The following CATSPERB variants were observed in gnomAD, a reference collection of about 807,000 sequenced individuals.
CATSPERB encodes catsper channel auxiliary subunit beta, also known as cation channel sperm-associated auxiliary subunit beta.
A neutral mutation model predicts 128.3 loss-of-function variants in CATSPERB; 93 were observed. That is an observed-to-expected ratio of 0.72 (90% CI 0.61 to 0.86). The LOEUF is 0.86. Among genes scored for constraint, CATSPERB ranks in the 40% least tolerant of loss-of-function variants. The probability of loss-of-function intolerance (pLI) is 0.00; values close to 1 mark genes in which losing one functional copy is unlikely to be tolerated. For synonymous variants in CATSPERB, 381 were observed against 448.8 expected (o/e 0.85, Z 1.91); for missense variants, 1,153 against 1,329.5 (o/e 0.87, Z 2.06).
intron 2 of CATSPERB, 101 bp from the exon 3 acceptor site, chr14:91,725,269 A>C (rs1896101967): frequency 2.0e-6 from 1 of 492,566 alleles, no homozygotes; most frequent in Non-Finnish European, 3.4e-6. Flanking sequence ...AAGGAATAAG[A>C]ATTATAATTG....
chr14:91,602,254 C>T (rs1893618543), intron 22 of CATSPERB, among the ~76,000 whole-genome samples: 1 of 152,050 alleles, frequency 6.6e-6, no homozygotes, highest in Admixed American at 6.6e-5. Context: ...CAATTCTGTA[C>T]TTGTAAGAGG....
rs867178737 is a variant in CATSPERB, at chr14:91,692,299, A to G, written c.832-744T>C. On this transcript the variant is annotated intron_variant, in intron 9 of 26. Coordinates refer to ENST00000256343, the MANE Select transcript of CATSPERB (RefSeq NM_024764.4). ...CTTTGCCACTCTGTTCCTTCTGCCCAGGCCAGAGCAGTCCAGAGGTCAGGA... is the reference window on the plus strand; with the variant it reads ...CTTTGCCACTCTGTTCCTTCTGCCCGGGCCAGAGCAGTCCAGAGGTCAGGA... Among the ~76,000 whole-genome samples the G allele has an allele frequency of 9.9e-5, 15 of 152,030 alleles. No homozygotes were observed. The Middle Eastern group carries it at 0.01, about 103-fold the overall frequency.
Position 91,588,073 on chromosome 14 carries a change from T to A in CATSPERB, c.2962A>T (p.Thr988Ser). 6.3e-7 allele frequency: 1 copy of A among 1,593,742 alleles called. No homozygotes were observed. Among genetic ancestry groups the A allele is most frequent in the African/African-American group, 1.3e-5 (1 of 74,724 alleles). Residue 988 changes from threonine (T) to serine (S), a missense_variant, in exon 25 of 27, where the codon ACT (threonine) becomes TCT (serine). Coordinates refer to ENST00000256343, the MANE Select transcript of CATSPERB (RefSeq NM_024764.4). ...ATTCTTTTAATATTTTCTGGCACAG[T>A]GTGTTCTAAAAATACATAAAACATA... is the stretch of plus-strand genomic sequence containing the variant. ...NMRHNWKLKH[T>S]VPENIKRMKQ...
chr14:91,702,303 G>C (rs1895663505), intron 7 of CATSPERB, among the ~76,000 whole-genome samples: 1 of 151,628 alleles, frequency 6.6e-6, no homozygotes, highest in African/African-American at 2.4e-5. Flanking sequence ...ACATAGTGTA[G>C]AATATGACAG....
At chr14:91,729,596 C>T in intron 1 of CATSPERB, 117 bp from the exon 2 acceptor site, 1 of 519,054 alleles carries the variant, frequency 1.9e-6, no homozygotes, top group Non-Finnish European at 3.4e-6. Flanking sequence ...TAATATTTCA[C>T]ACTGTGTGAC....
chr14:91,680,653 T>C (rs1405830827), intron 11 of CATSPERB, among the ~76,000 whole-genome samples: 2 of 151,892 alleles, frequency 1.3e-5, no homozygotes, highest in African/African-American at 2.4e-5. Flanking sequence ...GGTGTCCCAC[T>C]GGAGGGCATG....
chr14:91,698,275 T>C (rs1375300496), intron 7 of CATSPERB, among the ~76,000 whole-genome samples: 1 of 152,188 alleles, frequency 6.6e-6, no homozygotes, highest in Non-Finnish European at 1.5e-5. Flanking sequence ...TAGGAGCTTT[T>C]TGTTAGAGTC....
At chr14:91,599,882 C>CAA (rs1893581048) in intron 22 of CATSPERB, among the ~76,000 whole-genome samples, 1 of 152,150 alleles carries the variant, frequency 6.6e-6, no homozygotes, top group Non-Finnish European at 1.5e-5. Context: ...TCTCAGTGAG[C>CAA]AAAGGAGTGA....
chr14:91,587,706 C>G (rs944716107), intron 25 of CATSPERB, among the ~76,000 whole-genome samples: 2 of 151,952 alleles, frequency 1.3e-5, no homozygotes, highest in Admixed American at 6.6e-5. Context: ...ATACTGAGCC[C>G]ATTTCTTCCC....
At chr14:91,722,818 C>G (rs1262510727) in intron 4 of CATSPERB, among the ~76,000 whole-genome samples, 1 of 152,006 alleles carries the variant, frequency 6.6e-6, no homozygotes, top group African/African-American at 2.4e-5. Context: ...GAATGAAGGA[C>G]AGTATAAATA....
At chr14:91,721,230 G>A (rs1056869944) in intron 4 of CATSPERB, among the ~76,000 whole-genome samples, 6 of 152,086 alleles carry the variant, frequency 3.9e-5, no homozygotes, top group Admixed American at 2.0e-4. Flanking sequence ...AGATACAGCC[G>A]ACTTCATTAA....
intron 19 of CATSPERB, among the ~76,000 whole-genome samples, chr14:91,618,803 G>A (rs1417183583): frequency 2.0e-5 from 3 of 152,228 alleles, no homozygotes; most frequent in Non-Finnish European, 2.9e-5. Context: ...ACCTGCAGCT[G>A]TTTCCCTTAA....
rs1895124427 is a variant in CATSPERB at position 91,672,930 on chromosome 14, T to C, written c.1065A>G (p.Pro355=). 3 of 1,603,466 alleles carry C rather than the reference T, an allele frequency of 1.9e-6. No homozygotes were observed. Among genetic ancestry groups the C allele is most frequent in the Non-Finnish European group, 1.7e-6 (2 of 1,177,776 alleles). The change falls in exon 13 of 27, where the codon CCA becomes CCG. Residue 355 remains proline (P), a synonymous_variant. Coordinates refer to ENST00000256343, the MANE Select transcript of CATSPERB (RefSeq NM_024764.4). ...PHIFKGIKIF[P]TVLTFLVDQE... is the part of the protein sequence containing the mutation. ...GGTCAACAAGAAATGTTAGCACAGT[T>C]GGAAAAATTTTTATTCCTTTAAAAA... is the stretch of plus-strand genomic sequence containing the variant.
At chr14:91,646,677 A>C (rs1894613107) in intron 15 of CATSPERB, among the ~76,000 whole-genome samples, 1 of 152,178 alleles carries the variant, frequency 6.6e-6, no homozygotes, top group Admixed American at 6.5e-5. Flanking sequence ...CAATTAGATA[A>C]TCTGTTACAG....
At chr14:91,621,381 T>C (rs1051044144) in intron 19 of CATSPERB, among the ~76,000 whole-genome samples, 19 of 152,060 alleles carry the variant, frequency 1.2e-4, no homozygotes, top group Admixed American at 3.3e-4. Context: ...GCCTGGGCGA[T>C]GGAGGGGGAG....
intron 22 of CATSPERB, among the ~76,000 whole-genome samples, chr14:91,594,966 A>C (rs890958060): frequency 2.6e-5 from 4 of 152,192 alleles, no homozygotes; most frequent in Non-Finnish European, 5.9e-5. Flanking sequence ...GGGGGTAAAA[A>C]GGAAGGAAAA....
intron 16 of CATSPERB, 35 bp downstream of exon 16, chr14:91,639,061 A>G (rs779361708): frequency 5.1e-6 from 8 of 1,582,180 alleles, no homozygotes; most frequent in Non-Finnish European, 6.9e-6. Flanking sequence ...TATTCTTAAA[A>G]TAAGGCAAAC....
At chr14:91,591,303 C>T (rs904054474) in intron 23 of CATSPERB, among the ~76,000 whole-genome samples, 8 of 152,048 alleles carry the variant, frequency 5.3e-5, no homozygotes, top group East Asian at 3.9e-4. Flanking sequence ...GATCCACCGG[C>T]GTTGGCCTCC....
chr14:91,598,598 C>T (rs996100194), intron 22 of CATSPERB, among the ~76,000 whole-genome samples: 17 of 152,096 alleles, frequency 1.1e-4, no homozygotes, highest in Admixed American at 2.0e-4. Flanking sequence ...GTGGCTCACA[C>T]CTGTAATCCC....
Sources: gnomAD v4.1 joint callset for allele counts (sites outside exome capture counted in the v4.1 genomes callset) on GRCh38, gnomAD v4.1.1 for gene constraint, MANE v1.5 for transcripts, NCBI Gene and HGNC (gene_info 2026-07-23, HGNC 2026-07-21) for gene names.